GCSAML: variants seen among roughly 807,000 people sequenced by gnomAD.
GCSAML encodes germinal center associated signaling and motility like, also known as germinal center-associated signaling and motility-like protein.
Under a neutral mutation model 13.0 loss-of-function variants are expected in GCSAML, and 9 were observed. That is an observed-to-expected ratio of 0.69 (90% CI 0.42 to 1.21). GCSAML has a LOEUF of 1.21. Among genes scored for constraint, GCSAML ranks in the 50% most tolerant of loss-of-function variants. The probability of loss-of-function intolerance (pLI) is 0.00; values close to 1 mark genes in which losing one functional copy is unlikely to be tolerated. For synonymous variants in GCSAML, 37 were observed against 52.9 expected, an observed-to-expected ratio of 0.70 and a Z score of 1.31; for missense variants, 143 against 153.4, an observed-to-expected ratio of 0.93 and a Z score of 0.36.
At chr1:247,557,238 T>A (rs774034043) in intron 2 of GCSAML, among the ~76,000 whole-genome samples, 2 of 152,238 alleles carry the variant, frequency 1.3e-5, no homozygotes, top group Non-Finnish European at 2.9e-5. Context: ...TAACTCTATA[T>A]GTCGTTTGAG....
intron 1 of GCSAML, among the ~76,000 whole-genome samples, chr1:247,551,037 A>C (rs1667761126): frequency 6.6e-6 from 1 of 152,236 alleles, no homozygotes; most frequent in African/African-American, 2.4e-5. Flanking sequence ...CCTTTGCTAT[A>C]AAATTATGAA....
At chr1:247,566,258 T>A (rs1668359235) in intron 4 of GCSAML, among the ~76,000 whole-genome samples, 2 of 152,188 alleles carry the variant, frequency 1.3e-5, no homozygotes, top group African/African-American at 2.4e-5. Flanking sequence ...TTATTTATTT[T>A]TTGAGACAGA....
intron 2 of GCSAML, among the ~76,000 whole-genome samples, chr1:247,536,962 G>T (rs1667240752): frequency 6.6e-6 from 1 of 151,722 alleles, no homozygotes; most frequent in Admixed American, 6.6e-5. Flanking sequence ...TTTTTATTTT[G>T]GTAAAATACA....
chr1:247,554,955 G>A (rs55642653), intron 1 of GCSAML, among the ~76,000 whole-genome samples: 33,284 of 152,008 alleles, frequency 0.22, 6,915 homozygotes, highest in African/African-American at 0.55. Context: ...ACCTATTTTT[G>A]AAAACAATAG....
chr1:247,517,244 C>G (rs367642033), intron 1 of GCSAML, among the ~76,000 whole-genome samples: 10 of 152,176 alleles, frequency 6.6e-5, no homozygotes, highest in Admixed American at 5.2e-4. Context: ...TCAGGGCTCC[C>G]CTGTTCTCTA....
chr1:247,567,221 A>T (rs1668417000), intron 4 of GCSAML, among the ~76,000 whole-genome samples: 1 of 152,000 alleles, frequency 6.6e-6, no homozygotes, highest in African/African-American at 2.4e-5. Flanking sequence ...CAGGTCTGTT[A>T]CATAGGAATA....
intron 4 of GCSAML, among the ~76,000 whole-genome samples, chr1:247,573,190 C>T (rs1462043384): frequency 2.0e-5 from 3 of 152,174 alleles, no homozygotes; most frequent in East Asian, 3.9e-4. Flanking sequence ...AGTTCTTTCT[C>T]ATTGGTGTTC....
At chr1:247,507,561 C>T (rs111452022) in intron 1 of GCSAML, among the ~76,000 whole-genome samples, 5,445 of 152,148 alleles carry the variant, frequency 0.036, 314 homozygotes, top group African/African-American at 0.12. Flanking sequence ...CTGGGATACA[C>T]GTGCAGAAAG....
intron 2 of GCSAML, among the ~76,000 whole-genome samples, chr1:247,562,947 C>T (rs1007255468): frequency 3.3e-5 from 5 of 151,916 alleles, no homozygotes; most frequent in African/African-American, 1.2e-4. Flanking sequence ...TCAAGCAATT[C>T]CCCTGCCTCA....
At chr1:247,535,241 C>T (rs569405945) in intron 2 of GCSAML, among the ~76,000 whole-genome samples, 30 of 152,190 alleles carry the variant, frequency 2.0e-4, no homozygotes, top group African/African-American at 6.7e-4. Flanking sequence ...CTTCAACCCA[C>T]GAGATCAAGG....
intron 3 of GCSAML, 123 bp downstream of exon 3, chr1:247,563,762 T>C (rs908699208): frequency 9.8e-6 from 5 of 510,566 alleles, no homozygotes; most frequent in African/African-American, 7.9e-5. Context: ...GAGTTCTTAC[T>C]CTTTCATAAA....
chr1:247,573,781 G>T (rs922785519), intron 4 of GCSAML, among the ~76,000 whole-genome samples: 17 of 152,338 alleles, frequency 1.1e-4, no homozygotes, highest in Middle Eastern at 3.4e-3. Context: ...ACTTTGGGCA[G>T]TATTTCCATT....
chr1:247,507,603 ATGG>A (rs1243575312), intron 1 of GCSAML, among the ~76,000 whole-genome samples: 2 of 152,154 alleles, frequency 1.3e-5, no homozygotes, highest in Non-Finnish European at 2.9e-5. Flanking sequence ...TACACGTGCC[ATGG>A]TGGTTTGCTG....
At chr1:247,530,523 C>CCCG (rs1288343014) in intron 2 of GCSAML, 7 of 141,170 alleles carry the variant, frequency 5.0e-5, no homozygotes, top group African/African-American at 1.5e-4. Context: ...GCCATCCCCC[C>CCCG]CCCACAAAAT....
At chr1:247,567,927 GTGA>G (rs2103067957) in intron 4 of GCSAML, among the ~76,000 whole-genome samples, 1 of 152,300 alleles carries the variant, frequency 6.6e-6, no homozygotes. Context: ...CTAATGACTG[GTGA>G]TGATTAGCTT....
chr1:247,511,879 G>A (rs992168836), intron 1 of GCSAML, among the ~76,000 whole-genome samples: 6 of 152,236 alleles, frequency 3.9e-5, no homozygotes, highest in East Asian at 3.8e-4. Context: ...GAGGTCCGCT[G>A]TTAGTCTGAT....
At chr1:247,571,654 C>T (rs1011378088) in intron 4 of GCSAML, among the ~76,000 whole-genome samples, 9 of 152,176 alleles carry the variant, frequency 5.9e-5, no homozygotes, top group South Asian at 2.1e-4. Flanking sequence ...ATTTCAACGT[C>T]GGTGAATCTG....
intron 3 of GCSAML, 33 bp downstream of exon 3, chr1:247,563,672 AG>A (rs777229119): frequency 4.5e-5 from 57 of 1,279,682 alleles, no homozygotes; most frequent in Non-Finnish European, 5.9e-5. Flanking sequence ...TTTTCATAGT[AG>A]GGAAGTGCAA....
chr1:247,534,745 T>G (rs994579315), intron 2 of GCSAML, among the ~76,000 whole-genome samples: 1 of 152,140 alleles, frequency 6.6e-6, no homozygotes, highest in Admixed American at 6.5e-5. Flanking sequence ...AATTTACCTA[T>G]CCCTGTAACT....
Sources: allele counts gnomAD v4.1 joint callset (sites outside exome capture counted in the v4.1 genomes callset), GRCh38; gene constraint gnomAD v4.1.1; transcripts MANE v1.5; gene names NCBI Gene and HGNC (gene_info 2026-07-23, HGNC 2026-07-21).